The following FAM181A variants were observed in gnomAD, a reference collection of about 807,000 sequenced individuals.
FAM181A encodes the protein protein FAM181A.
FAM181A carries 7 observed loss-of-function variants against 16.3 expected under a neutral mutation model. The observed-to-expected ratio is 0.43, with a 90% confidence interval of 0.24 to 0.81. The LOEUF is 0.81. Ranked by LOEUF, FAM181A falls within the 30% of genes least tolerant of loss-of-function variation. The pLI is 0.24. For synonymous variants in FAM181A, 183 were observed against 164.9 expected, an observed-to-expected ratio of 1.11 and a Z score of -0.84; for missense variants, 349 against 377.5, an observed-to-expected ratio of 0.92 and a Z score of 0.63.
Position 93,928,722 on chromosome 14 carries a change from C to G in FAM181A, c.437C>G (p.Thr146Ser). Residue 146 changes from threonine (T) to serine (S), a missense_variant, in exon 2 of 2, where the codon ACC becomes AGC. Physicochemically the swap from Thr to Ser is moderately conservative, Grantham distance 58. Coordinates refer to ENST00000556222, the MANE Select transcript of FAM181A (RefSeq NM_001207073.2). ...PASFWEEPRP[T>S]HSYHVGLEGG... ...TCCTTCTGGGAAGAGCCAAGGCCCA[C>G]CCACAGCTACCATGTGGGGCTGGAG... 1 of 1,613,954 alleles carries G rather than the reference C, an allele frequency of 6.2e-7. No homozygotes were observed. The highest frequency in any genetic ancestry group is 2.2e-5 in the East Asian group (1 of 44,874).
Position 93,928,873 on chromosome 14 carries a change from G to A in FAM181A, c.588G>A (p.Pro196=), listed in dbSNP as rs143045330. The change falls in exon 2 of 2, where the codon CCG becomes CCA. Residue 196 remains proline, a synonymous_variant. Transcript: ENST00000556222. Reference sequence around the variant, plus strand: ...CAAGGGCCCTGGCTGAAAAGGAGCCGCTCAAGATGCCTGGGGTCTCCTTGG... The same window carrying A: ...CAAGGGCCCTGGCTGAAAAGGAGCCACTCAAGATGCCTGGGGTCTCCTTGG... The part of the protein sequence containing the change: ...MSPRALAEKE[P]LKMPGVSLVG... The A allele has an allele frequency of 9.3e-6, 15 of 1,614,008 alleles. No individual in the cohort carries two copies. The African/African-American group carries it at 9.3e-5, about 10-fold the overall frequency.
rs1261840996 is a variant in FAM181A, at chr14:93,929,188, C to T, written c.*24C>T. The T allele has an allele frequency of 4.0e-6, 6 of 1,507,404 alleles. No homozygotes were observed. The highest frequency in any genetic ancestry group is 3.5e-6 in the Non-Finnish European group (4 of 1,132,070). The allele number at this position is 1,507,404 out of a possible 1,614,324, so 93.4% of individuals were successfully genotyped here. A position where few individuals can be genotyped will look rare whatever the true frequency, so the allele number is the denominator to read the frequency against. The stretch of plus-strand genomic sequence containing the variant: ...AGCCACGCGGAGAGGGCCTCAGCCC[C>T]CACCTCTGGCCTGCAGGAGTGTCGA... On this transcript the variant is annotated 3_prime_UTR_variant, in exon 2 of 2. Coordinates refer to ENST00000556222, the MANE Select transcript of FAM181A (RefSeq NM_001207073.2).
chr14:93,927,484 C>G, intron 1 of FAM181A, 30 bp downstream of exon 1: 2 of 1,260,968 alleles, frequency 1.6e-6, no homozygotes, highest in South Asian at 2.6e-5. Context: ...GGCTCTGGCC[C>G]GACTGGGTGG....
At chr14:93,925,184 G>C (rs191419877), upstream of FAM181A, 18 of 1,192,762 alleles carry the variant, frequency 1.5e-5, no homozygotes, top group East Asian at 3.8e-4. Flanking sequence ...TTCATGAGCG[G>C]GCAGTGCAGA....
At chr14:93,923,121 C>A (rs1394981563), upstream of FAM181A, among the ~76,000 whole-genome samples, 1 of 152,098 alleles carries the variant, frequency 6.6e-6, no homozygotes, top group Non-Finnish European at 1.5e-5. Context: ...ATTACAGGCA[C>A]CCGCCACCAC....
At chr14:93,928,154 G>A (rs1887989298) in intron 1 of FAM181A, 45 bp from the exon 2 acceptor site, 2 of 1,591,960 alleles carry the variant, frequency 1.3e-6, no homozygotes, top group African/African-American at 1.3e-5. Flanking sequence ...GGAGGGCTGG[G>A]TGTGGTTGCT....
At chr14:93,924,948 G>A, upstream of FAM181A, 1 of 358,304 alleles carries the variant, frequency 2.8e-6, no homozygotes, top group Non-Finnish European at 5.0e-6. Flanking sequence ...ACGGCTCTTG[G>A]CACATGCTGG....
upstream of FAM181A, among the ~76,000 whole-genome samples, chr14:93,923,250 C>T (rs952630613): frequency 1.3e-5 from 2 of 152,226 alleles, no homozygotes. Context: ...GCTGGGATTA[C>T]AGGCGTGAGC....
chr14:93,928,089 G>T (rs1887986335), intron 1 of FAM181A, 110 bp from the exon 2 acceptor site: 1 of 1,501,480 alleles, frequency 6.7e-7, no homozygotes, highest in Non-Finnish European at 8.9e-7. Context: ...TCTGTTTAGG[G>T]CTGAGAGGTG....
At chr14:93,928,095 A>T in intron 1 of FAM181A, 104 bp from the exon 2 acceptor site, 1 of 1,508,846 alleles carries the variant, frequency 6.6e-7, no homozygotes, top group East Asian at 2.3e-5. Flanking sequence ...TAGGGCTGAG[A>T]GGTGCTGGGG....
At chr14:93,920,806 C>A (rs371668299) in intron 1 of FAM181A, among the ~76,000 whole-genome samples, 32 of 152,194 alleles carry the variant, frequency 2.1e-4, no homozygotes, top group African/African-American at 7.5e-4. Context: ...CACTCTTCTT[C>A]AACATAGAAC....
intron 1 of FAM181A, among the ~76,000 whole-genome samples, chr14:93,921,178 C>T (rs1331166823): frequency 6.6e-6 from 1 of 152,184 alleles, no homozygotes; most frequent in Non-Finnish European, 1.5e-5. Context: ...GGGTGAGTGA[C>T]TACCTCAAGA....
chr14:93,920,757 C>T (rs1287469083), intron 1 of FAM181A, among the ~76,000 whole-genome samples: 1 of 152,158 alleles, frequency 6.6e-6, no homozygotes, highest in Non-Finnish European at 1.5e-5. Context: ...AAAGCTTTTC[C>T]CCTAAAATCA....
upstream of FAM181A, chr14:93,925,086 A>G (rs1887850113): frequency 1.9e-5 from 11 of 565,262 alleles, no homozygotes; most frequent in South Asian, 2.7e-4. Context: ...GAGCTTTGGA[A>G]AGACTTTCGT....
intron 1 of FAM181A, among the ~76,000 whole-genome samples, chr14:93,921,078 A>G (rs553561003): frequency 2.0e-4 from 31 of 152,368 alleles, no homozygotes; most frequent in Non-Finnish European, 3.8e-4. Context: ...ATAGCACTGT[A>G]TCACGATAGC....
rs1015807372 is a variant in FAM181A at position 93,927,349 on chromosome 14, A to G, written c.-193A>G. 4.5e-6 allele frequency: 5 copies of G among 1,120,644 alleles called. No homozygotes were observed. In the African/African-American group the frequency reaches 8.5e-5, roughly 19 times the overall value. 69.4% of individuals were successfully genotyped at this position (1,120,644 alleles called of 1,614,324 possible). A position where few individuals can be genotyped will look rare whatever the true frequency, so the allele number is the denominator to read the frequency against. On this transcript the variant is annotated 5_prime_UTR_variant, in exon 1 of 2. Transcript: ENST00000556222. ...ATTCAGCCCACTCAAGGGTTGCACA[A>G]CTGCTTCCAGCCGGACGGAGCTCGG... is the stretch of plus-strand genomic sequence containing the variant.
At chr14:93,926,722 C>T (rs1471323466), upstream of FAM181A, among the ~76,000 whole-genome samples, 2 of 152,112 alleles carry the variant, frequency 1.3e-5, no homozygotes, top group South Asian at 2.1e-4. The surrounding 1 kb of genome is among the most constrained non-coding windows in gnomAD (Gnocchi z 5.2). Flanking sequence ...CCACCTTTTC[C>T]GACAGGCATC....
rs1239468485 is a variant in FAM181A at position 93,927,363 on chromosome 14, G to A, written c.-179G>A. 1.8e-6 allele frequency: 2 copies of A among 1,129,360 alleles called. No homozygotes were observed. Among genetic ancestry groups the A allele is most frequent in the Admixed American group, 4.3e-5 (1 of 23,186 alleles). 70.0% of individuals were successfully genotyped at this position (1,129,360 alleles called of 1,614,324 possible). Reference sequence around the variant, plus strand: ...AGGGTTGCACAACTGCTTCCAGCCGGACGGAGCTCGGCCGGCTGCGCCGGG... The same window carrying A: ...AGGGTTGCACAACTGCTTCCAGCCGAACGGAGCTCGGCCGGCTGCGCCGGG... On this transcript the variant is annotated 5_prime_UTR_variant, in exon 1 of 2. Transcript: ENST00000556222.
chr14:93,920,758 C>T (rs1242960923), intron 1 of FAM181A, among the ~76,000 whole-genome samples: 1 of 152,154 alleles, frequency 6.6e-6, no homozygotes, highest in Non-Finnish European at 1.5e-5. Flanking sequence ...AAGCTTTTCC[C>T]CTAAAATCAG....
Sources: allele counts gnomAD v4.1 joint callset (sites outside exome capture counted in the v4.1 genomes callset), GRCh38; gene constraint gnomAD v4.1.1; non-coding constraint Gnocchi (gnomAD v3.1); transcripts MANE v1.5; gene names NCBI Gene and HGNC (gene_info 2026-07-23, HGNC 2026-07-21).